UGGT1: variants seen among roughly 807,000 people sequenced by gnomAD.
The protein encoded by UGGT1 is UDP-glucose glycoprotein glucosyltransferase 1, also known as UDP-glucose:glycoprotein glucosyltransferase 1.
Under a neutral mutation model 203.9 loss-of-function variants are expected in UGGT1, and 107 were observed. The observed-to-expected ratio is 0.52, with a 90% CI of 0.45 to 0.62. UGGT1 has a LOEUF of 0.62. Ranked by LOEUF, UGGT1 falls within the 20% of genes least tolerant of loss-of-function variation. The probability of loss-of-function intolerance (pLI) is 0.00; values close to 1 mark genes in which losing one functional copy is unlikely to be tolerated. For synonymous variants in UGGT1, 628 were observed against 653.5 expected (o/e 0.96, Z 0.59); for missense variants, 1,673 against 1,867.2 (o/e 0.90, Z 1.92).
At chr2:128,181,423 A>G (rs1241390056) in intron 36 of UGGT1, among the ~76,000 whole-genome samples, 1 of 152,234 alleles carries the variant, frequency 6.6e-6, no homozygotes, top group Admixed American at 6.5e-5. Context: ...GTCATGGGTA[A>G]TAGACGAAGC....
intron 2 of UGGT1, among the ~76,000 whole-genome samples, chr2:128,101,985 A>T (rs1480662912): frequency 6.6e-6 from 1 of 152,162 alleles, no homozygotes; most frequent in Non-Finnish European, 1.5e-5. Flanking sequence ...AAACATTTAT[A>T]TATGGAGAGA....
At chr2:128,133,352 T>G in intron 14 of UGGT1, 92 bp downstream of exon 14, 1 of 1,498,698 alleles carries the variant, frequency 6.7e-7, no homozygotes. Flanking sequence ...TTCTCACCTT[T>G]ACTAGCTGCT....
chr2:128,147,244 T>C (rs1220687531), intron 18 of UGGT1, among the ~76,000 whole-genome samples: 1 of 152,236 alleles, frequency 6.6e-6, no homozygotes, highest in African/African-American at 2.4e-5. Context: ...AATTCACTTA[T>C]TCTTTCTTCT....
intron 19 of UGGT1, among the ~76,000 whole-genome samples, chr2:128,153,690 A>G (rs1005882687): frequency 2.0e-5 from 3 of 152,172 alleles, no homozygotes; most frequent in African/African-American, 7.2e-5. Flanking sequence ...ATTCCTTTTT[A>G]TAGTCCACTT....
chr2:128,100,936 T>C (rs1036320814), intron 2 of UGGT1, among the ~76,000 whole-genome samples: 24 of 152,226 alleles, frequency 1.6e-4, no homozygotes, highest in African/African-American at 5.5e-4. Context: ...TATACTGTTT[T>C]CTTCACCAAC....
rs115235450 is a variant in UGGT1 at position 128,134,494 on chromosome 2, G to T, written c.1498-382G>T. ...TGCTTGCCTGACAGCTGTGGCTGTG[G>T]TCTAAGAATTAGGTTCTAAGTGAAT... On this transcript the variant is annotated intron_variant, in intron 14 of 40. Coordinates refer to ENST00000259253, the MANE Select transcript of UGGT1 (RefSeq NM_020120.4). 3.5e-3 allele frequency among the ~76,000 whole-genome samples: 527 copies of T among 152,330 alleles called. 3 individuals are homozygous for T. The highest frequency in any genetic ancestry group is 5.2e-3 in the Non-Finnish European group (352 of 68,034).
intron 1 of UGGT1, among the ~76,000 whole-genome samples, chr2:128,092,995 G>T (rs1332635829): frequency 6.6e-6 from 1 of 152,162 alleles, no homozygotes; most frequent in Non-Finnish European, 1.5e-5. Context: ...AATGATAAGG[G>T]ATCCTATAAA....
At chr2:128,156,625 T>G (rs944681004) in intron 21 of UGGT1, among the ~76,000 whole-genome samples, 1 of 150,870 alleles carries the variant, frequency 6.6e-6, no homozygotes, top group Non-Finnish European at 1.5e-5. Context: ...TACCATGATC[T>G]CGGCTCACTG....
intron 17 of UGGT1, among the ~76,000 whole-genome samples, chr2:128,145,481 C>G (rs1301293887): frequency 1.4e-5 from 2 of 143,238 alleles, no homozygotes; most frequent in East Asian, 4.1e-4. Flanking sequence ...TTTTGACAGC[C>G]TGTGCTACAC....
At chr2:128,189,085 G>A (rs766253927) in intron 40 of UGGT1, among the ~76,000 whole-genome samples, 1 of 152,220 alleles carries the variant, frequency 6.6e-6, no homozygotes, top group Non-Finnish European at 1.5e-5. Context: ...TCTGCTACAT[G>A]GAAGAAAACA....
At position 128,152,866 on chromosome 2, in the gene UGGT1, T is replaced by G. The variant is rs757689907; in HGVS notation, c.2099T>G (p.Leu700Trp). Reference protein sequence around the residue: ...NVVPRINSRILTAERDYLDLT... With the variant: ...NVVPRINSRIWTAERDYLDLT... ...GTTCCACGAATCAATTCTAGGATTTTGACAGCTGAACGAGACTACCTGGAT... is the reference window on the plus strand; with the variant it reads ...GTTCCACGAATCAATTCTAGGATTTGGACAGCTGAACGAGACTACCTGGAT... Residue 700 changes from leucine (L) to tryptophan (W), a missense_variant, in exon 19 of 41, where the codon TTG becomes TGG. By Grantham distance (61) the Leu-to-Trp change is moderately conservative. Coordinates refer to ENST00000259253, the MANE Select transcript of UGGT1 (RefSeq NM_020120.4). 6.2e-7 allele frequency: 1 copy of G among 1,614,130 alleles called. No individual in the cohort carries two copies. The highest frequency in any genetic ancestry group is 2.2e-5 in the East Asian group (1 of 44,858).
At chr2:128,137,872 G>C (rs1689207545) in intron 15 of UGGT1, among the ~76,000 whole-genome samples, 1 of 152,104 alleles carries the variant, frequency 6.6e-6, no homozygotes. Flanking sequence ...CCCATCTATA[G>C]ATACATAATA....
intron 23 of UGGT1, 112 bp from the exon 24 acceptor site, chr2:128,160,348 T>C: frequency 2.6e-6 from 3 of 1,136,406 alleles, no homozygotes; most frequent in Non-Finnish European, 3.6e-6. Context: ...TTATGAAAAT[T>C]AGTTATTACT....
chr2:128,179,113 TGA>T (rs989366549), intron 34 of UGGT1, among the ~76,000 whole-genome samples: 2 of 152,008 alleles, frequency 1.3e-5, no homozygotes. Context: ...CAGGAAGGCC[TGA>T]GAGTCACTTT....
At chr2:128,159,346 G>A (rs1690405356) in intron 22 of UGGT1, among the ~76,000 whole-genome samples, 168 bp from the exon 23 acceptor site, 1 of 151,952 alleles carries the variant, frequency 6.6e-6, no homozygotes, top group Non-Finnish European at 1.5e-5. Flanking sequence ...TGGTCCGCCC[G>A]CTTTGGCTTT....
intron 7 of UGGT1, 135 bp from the exon 8 acceptor site, chr2:128,116,130 A>G: frequency 5.3e-6 from 3 of 561,900 alleles, no homozygotes; most frequent in Non-Finnish European, 9.2e-6. Flanking sequence ...GATAGTCAGC[A>G]TTTTAAATGG....
Position 128,178,465 on chromosome 2 carries a change from T to C in UGGT1, c.3714-3T>C, listed in dbSNP as rs199767541. On this transcript the variant is annotated splice_region_variant and splice_polypyrimidine_tract_variant and intron_variant, in intron 33 of 40. Coordinates refer to ENST00000259253, the MANE Select transcript of UGGT1 (RefSeq NM_020120.4). ...GGTCTTTTTTTTACCCTTATTGTTA[T>C]AGGGGCTTTACAGGACAGAAGACTG... The C allele has an allele frequency of 7.4e-5, 119 of 1,610,306 alleles. No individual in the cohort carries two copies. Among genetic ancestry groups the C allele is most frequent in the African/African-American group, 6.7e-5 (5 of 74,596 alleles).
intron 8 of UGGT1, among the ~76,000 whole-genome samples, chr2:128,118,102 A>G (rs138226530): frequency 6.6e-5 from 10 of 152,246 alleles, no homozygotes; most frequent in Middle Eastern, 3.4e-3. Flanking sequence ...GGCCAAGTGA[A>G]ATAACCAGAT....
chr2:128,127,288 G>A (rs1573537085), intron 11 of UGGT1, 73 bp from the exon 12 acceptor site: 3 of 1,045,718 alleles, frequency 2.9e-6, no homozygotes, highest in East Asian at 2.6e-5. Flanking sequence ...TACAGGTAGT[G>A]AAGCCCAGAA....
Sources: allele counts gnomAD v4.1 joint callset (sites outside exome capture counted in the v4.1 genomes callset), GRCh38; gene constraint gnomAD v4.1.1; transcripts MANE v1.5; gene names NCBI Gene and HGNC (gene_info 2026-07-23, HGNC 2026-07-21).